TAFA1: variants seen among roughly 807,000 people sequenced by gnomAD.
TAFA1 encodes chemokine-like protein TAFA-1.
A neutral mutation model predicts 18.5 loss-of-function variants in TAFA1; 4 were observed. The ratio of observed to expected loss-of-function variants is 0.22; its 90% CI spans 0.11 to 0.49. TAFA1 has a LOEUF of 0.49. Among genes scored for constraint, TAFA1 ranks in the 20% least tolerant of loss-of-function variants. The pLI, the probability that TAFA1 is intolerant of heterozygous loss-of-function variation, is 0.98. For synonymous variants in TAFA1, 56 were observed against 55.2 expected, an observed-to-expected ratio of 1.01 and a Z score of -0.06; for missense variants, 147 against 169.0, an observed-to-expected ratio of 0.87 and a Z score of 0.72.
At chr3:68,093,519 A>G (rs571907713) in intron 2 of TAFA1, among the ~76,000 whole-genome samples, 1 of 152,156 alleles carries the variant, frequency 6.6e-6, no homozygotes, top group African/African-American at 2.4e-5. Context: ...GATCTTTCTT[A>G]TATTATCCCA....
intron 2 of TAFA1, among the ~76,000 whole-genome samples, chr3:68,209,225 G>A (rs1288934475): frequency 6.6e-6 from 1 of 152,008 alleles, no homozygotes; most frequent in Non-Finnish European, 1.5e-5. Flanking sequence ...GTGAGACCTT[G>A]AGCAGAGGAC....
chr3:68,073,389 G>A (rs1034891375), intron 2 of TAFA1, among the ~76,000 whole-genome samples: 1 of 152,140 alleles, frequency 6.6e-6, no homozygotes, highest in Non-Finnish European at 1.5e-5. Flanking sequence ...TAGAGCAATG[G>A]GCTTCTTCAG....
chr3:68,465,219 C>G (rs1025747771), intron 3 of TAFA1, among the ~76,000 whole-genome samples: 3 of 152,130 alleles, frequency 2.0e-5, no homozygotes, highest in Non-Finnish European at 2.9e-5. Flanking sequence ...ATCCTCTTTC[C>G]TCTTTGTGCC....
Position 68,025,648 on chromosome 3 carries a change from C to T in TAFA1, c.118+18904C>T, listed in dbSNP as rs534210246. ...CTCACTCTCCTTTATCCACACTGGGCTCCTTGCTGGCCCTTCAAAGATAGG... is the reference window on the plus strand; with the variant it reads ...CTCACTCTCCTTTATCCACACTGGGTTCCTTGCTGGCCCTTCAAAGATAGG... On this transcript the variant is annotated intron_variant, in intron 2 of 4. Transcript: ENST00000478136. 3.3e-5 allele frequency among the ~76,000 whole-genome samples: 5 copies of T among 152,294 alleles called. No individual in the cohort carries two copies. The East Asian group carries it at 9.6e-4, about 29-fold the overall frequency.
intron 2 of TAFA1, among the ~76,000 whole-genome samples, chr3:68,196,208 T>C (rs931205684): frequency 1.3e-5 from 2 of 151,802 alleles, no homozygotes; most frequent in African/African-American, 4.8e-5. Context: ...TCACGTAACT[T>C]GTAACTTTCC....
chr3:68,313,064 G>A (rs2068547108), intron 2 of TAFA1, among the ~76,000 whole-genome samples: 1 of 152,092 alleles, frequency 6.6e-6, no homozygotes, highest in Non-Finnish European at 1.5e-5. Context: ...ACACTATCAT[G>A]AGAAAAGAAT....
the TAFA1 span, among the ~76,000 whole-genome samples, chr3:67,993,249 G>A: frequency 1.2e-4 from 19 of 152,314 alleles, no homozygotes; most frequent in Admixed American, 9.2e-4. Flanking sequence ...AAAAGCGTTA[G>A]CTTGTATTTC....
At chr3:68,424,051 C>T (rs1363564533) in intron 3 of TAFA1, among the ~76,000 whole-genome samples, 1 of 151,962 alleles carries the variant, frequency 6.6e-6, no homozygotes, top group African/African-American at 2.4e-5. Context: ...GCAGTGAAAA[C>T]CCAAGTTTAA....
chr3:68,206,642 T>C (rs1378665036), intron 2 of TAFA1, among the ~76,000 whole-genome samples: 3 of 151,990 alleles, frequency 2.0e-5, no homozygotes, highest in Admixed American at 1.3e-4. Context: ...ACTTTCTCTC[T>C]GAGCTCTGCT....
intron 2 of TAFA1, among the ~76,000 whole-genome samples, chr3:68,335,886 T>C (rs1378753694): frequency 6.6e-6 from 1 of 152,222 alleles, no homozygotes; most frequent in East Asian, 1.9e-4. Context: ...TTTGTTGCTT[T>C]GTCAAGTTGT....
chr3:68,483,963 A>G (rs1349769728), intron 3 of TAFA1, among the ~76,000 whole-genome samples: 1 of 152,228 alleles, frequency 6.6e-6, no homozygotes, highest in Non-Finnish European at 1.5e-5. Context: ...GAGAAACACA[A>G]TCTGATACGT....
At chr3:68,395,903 A>G (rs898721494) in intron 2 of TAFA1, among the ~76,000 whole-genome samples, 1 of 152,050 alleles carries the variant, frequency 6.6e-6, no homozygotes, top group Non-Finnish European at 1.5e-5. Flanking sequence ...ATGTATACCT[A>G]TGTAACAAAC....
chr3:68,339,594 C>G (rs904774347), intron 2 of TAFA1, among the ~76,000 whole-genome samples: 3 of 152,184 alleles, frequency 2.0e-5, no homozygotes, highest in Admixed American at 6.5e-5. Context: ...CTGTGACTTA[C>G]AATCCTTTTG....
chr3:68,516,429 A>G (rs1028476231), intron 3 of TAFA1, among the ~76,000 whole-genome samples: 2 of 152,176 alleles, frequency 1.3e-5, no homozygotes, highest in African/African-American at 4.8e-5. Context: ...TGGTTTGTAC[A>G]TTTTTTAATG....
At chr3:68,366,663 C>A (rs911651743) in intron 2 of TAFA1, among the ~76,000 whole-genome samples, 31 of 152,302 alleles carry the variant, frequency 2.0e-4, no homozygotes, top group African/African-American at 6.0e-4. Context: ...CAGTTCAAAT[C>A]CAGCTTTGGA....
At chr3:68,531,016 C>CAACAAAACAAAACAA (rs59861876) in intron 3 of TAFA1, among the ~76,000 whole-genome samples, 8,827 of 147,560 alleles carry the variant, frequency 0.06, 400 homozygotes, top group Admixed American at 0.13. Context: ...TTAACAACAA[C>CAACAAAACAAAACAA]AACAAAACAA....
chr3:67,992,479 C>T, the TAFA1 span, among the ~76,000 whole-genome samples: 38 of 152,130 alleles, frequency 2.5e-4, no homozygotes, highest in Non-Finnish European at 5.0e-4. Flanking sequence ...TTCCCATTAT[C>T]TTATTGTGCT....
intron 3 of TAFA1, among the ~76,000 whole-genome samples, chr3:68,443,279 T>C (rs1286073300): frequency 6.6e-6 from 1 of 151,948 alleles, no homozygotes; most frequent in Admixed American, 6.6e-5. Flanking sequence ...GCTACCTTTT[T>C]CCCTCACTAT....
chr3:68,077,435 G>GT (rs1268305283), intron 2 of TAFA1, among the ~76,000 whole-genome samples: 2 of 136,900 alleles, frequency 1.5e-5, no homozygotes, highest in Non-Finnish European at 1.6e-5. Context: ...GGTTTTTATG[G>GT]TTTTAGGTCT....
Sources: gnomAD v4.1 joint callset for allele counts (sites outside exome capture counted in the v4.1 genomes callset) on GRCh38, gnomAD v4.1.1 for gene constraint, MANE v1.5 for transcripts, NCBI Gene and HGNC (gene_info 2026-07-23, HGNC 2026-07-21) for gene names.